DLGAP1: variants seen among roughly 807,000 people sequenced by gnomAD.
DLGAP1 encodes DLG associated protein 1, also known as disks large-associated protein 1.
Under a neutral mutation model 90.8 loss-of-function variants are expected in DLGAP1, and 11 were observed. The ratio of observed to expected loss-of-function variants is 0.12; its 90% CI spans 0.08 to 0.20. The LOEUF is 0.20. Among genes scored for constraint, DLGAP1 ranks in the 10% least tolerant of loss-of-function variants. The pLI, the probability that DLGAP1 is intolerant of heterozygous loss-of-function variation, is 1.00. For synonymous variants in DLGAP1, 558 were observed against 540.7 expected (o/e 1.03, Z -0.44); for missense variants, 1,050 against 1,333.8 (o/e 0.79, Z 3.31).
intron 1 of DLGAP1, among the ~76,000 whole-genome samples, chr18:4,436,162 T>C (rs1313971471): frequency 6.6e-6 from 1 of 152,172 alleles, no homozygotes; most frequent in Admixed American, 6.5e-5. Context: ...AGGGAGATAC[T>C]GGTAATGATT....
intron 1 of DLGAP1, among the ~76,000 whole-genome samples, chr18:4,195,874 C>A (rs1229259198): frequency 2.6e-5 from 4 of 151,956 alleles, no homozygotes; most frequent in South Asian, 2.1e-4. Flanking sequence ...TTGAGGAAGA[C>A]CCTATTCTGC....
Position 3,534,435 on chromosome 18 carries a change from G to T in DLGAP1, c.2238C>A (p.Asn746Lys). ...CATCGGCGGCACAGGCATGGTAATGGTTTCCTGAGCCCTGAATGCTGACTG... is the reference window on the plus strand; with the variant it reads ...CATCGGCGGCACAGGCATGGTAATGTTTTCCTGAGCCCTGAATGCTGACTG... ...TSTVSIQGSG[N>K]HYHACAADDD... The change falls in exon 10 of 13, where the codon AAC (asparagine) becomes AAA (lysine). Residue 746 changes from asparagine to lysine, a missense_variant. Physicochemically the swap from Asn to Lys is moderately conservative, Grantham distance 94 (BLOSUM62 0). Transcript: ENST00000315677. 2 of 1,614,178 alleles carry T rather than the reference G, an allele frequency of 1.2e-6. No homozygotes were observed. The highest frequency in any genetic ancestry group is 1.1e-5 in the South Asian group (1 of 91,076).
intron 9 of DLGAP1, among the ~76,000 whole-genome samples, chr18:3,542,810 G>A (rs918467653): frequency 2.6e-5 from 4 of 152,176 alleles, no homozygotes; most frequent in Non-Finnish European, 4.4e-5. Flanking sequence ...TTTAGGAAAC[G>A]TAGCCGAGTT....
intron 3 of DLGAP1, among the ~76,000 whole-genome samples, chr18:3,885,667 G>A (rs2071292120): frequency 6.6e-6 from 1 of 152,184 alleles, no homozygotes; most frequent in African/African-American, 2.4e-5. Flanking sequence ...CCAGTGATTA[G>A]CTCTAATTTC....
rs562663933 is a variant in DLGAP1, at chr18:3,568,976, A to G, written c.1966-1395T>C. On this transcript the variant is annotated intron_variant, in intron 8 of 12. Coordinates refer to ENST00000315677, the MANE Select transcript of DLGAP1 (RefSeq NM_004746.4). ...GCTGGGATTACAGCCATGAGCCACC[A>G]CGCCTGGCCTAAATGATTATTTTAT... Among the ~76,000 whole-genome samples, 546 of 148,206 alleles carry G rather than the reference A, an allele frequency of 3.7e-3. 5 individuals carry two copies. The highest frequency in any genetic ancestry group is 0.011 in the African/African-American group (458 of 40,490).
intron 2 of DLGAP1, among the ~76,000 whole-genome samples, chr18:4,122,508 C>A (rs1370807722): frequency 6.6e-6 from 1 of 152,156 alleles, no homozygotes; most frequent in Non-Finnish European, 1.5e-5. Flanking sequence ...TGAGGTCTAA[C>A]CTCAAGCTGG....
At chr18:4,169,907 C>T (rs778764272) in intron 1 of DLGAP1, among the ~76,000 whole-genome samples, 16 of 152,274 alleles carry the variant, frequency 1.1e-4, no homozygotes, top group Non-Finnish European at 1.5e-4. Context: ...TCATTCATAG[C>T]TAAACTTCCA....
chr18:4,112,123 G>A (rs61178858), intron 2 of DLGAP1, among the ~76,000 whole-genome samples: 39 of 151,822 alleles, frequency 2.6e-4, no homozygotes, highest in African/African-American at 6.8e-4. Context: ...ATTTTGGTAC[G>A]TTGTACTTTA....
chr18:4,371,601 T>G (rs140195903), intron 1 of DLGAP1, among the ~76,000 whole-genome samples: 2 of 152,230 alleles, frequency 1.3e-5, no homozygotes, highest in Non-Finnish European at 2.9e-5. Flanking sequence ...TTTTTAATTA[T>G]TGAGTCTTTA....
intron 1 of DLGAP1, among the ~76,000 whole-genome samples, chr18:4,372,308 C>T (rs1045899551): frequency 6.6e-6 from 1 of 152,186 alleles, no homozygotes; most frequent in Admixed American, 6.5e-5. Flanking sequence ...ATTCAACAAG[C>T]CTTTACCTTG....
At chr18:3,500,945 G>A (rs539835574) in intron 12 of DLGAP1, among the ~76,000 whole-genome samples, 14 of 151,708 alleles carry the variant, frequency 9.2e-5, no homozygotes, top group South Asian at 2.1e-4. Context: ...ACAAGCTCTC[G>A]CTCTGTCACC....
intron 3 of DLGAP1, among the ~76,000 whole-genome samples, chr18:3,988,719 C>A (rs2149045471): frequency 6.6e-6 from 1 of 152,304 alleles, no homozygotes; most frequent in Admixed American, 6.5e-5. Context: ...CGGACCCGTA[C>A]TGCAGGATGT....
At chr18:3,705,470 A>T (rs957319758) in intron 7 of DLGAP1, among the ~76,000 whole-genome samples, 5 of 151,894 alleles carry the variant, frequency 3.3e-5, no homozygotes, top group African/African-American at 4.8e-5. Flanking sequence ...GGAGCTAAAC[A>T]TATCATACTG....
At chr18:4,237,827 T>C (rs944950544) in intron 1 of DLGAP1, among the ~76,000 whole-genome samples, 4 of 152,202 alleles carry the variant, frequency 2.6e-5, no homozygotes, top group South Asian at 2.1e-4. Context: ...AATTATTTCA[T>C]ATCACTGATC....
At chr18:4,093,440 GC>G (rs1215372139) in intron 2 of DLGAP1, among the ~76,000 whole-genome samples, 1 of 152,192 alleles carries the variant, frequency 6.6e-6, no homozygotes, top group African/African-American at 2.4e-5. Context: ...AATATGGGAA[GC>G]CTACTAGTCT....
At chr18:3,596,766 G>A in intron 7 of DLGAP1, 1 of 502,546 alleles carries the variant, frequency 2.0e-6, no homozygotes. Context: ...CAATCAGGAA[G>A]GGGAGGTGAT....
intron 1 of DLGAP1, among the ~76,000 whole-genome samples, chr18:4,284,636 A>C (rs145264419): frequency 2.3e-4 from 35 of 152,310 alleles, no homozygotes; most frequent in African/African-American, 6.0e-4. Flanking sequence ...GATGTCCCAC[A>C]CACAGGATCA....
intron 3 of DLGAP1, among the ~76,000 whole-genome samples, chr18:3,881,183 G>C (rs995092451): frequency 1.3e-5 from 2 of 151,614 alleles, no homozygotes; most frequent in Admixed American, 6.6e-5. Flanking sequence ...GCAGTGCAAT[G>C]GCACGATCTC....
chr18:4,012,150 C>G (rs80296189), intron 2 of DLGAP1, among the ~76,000 whole-genome samples: 1 of 152,082 alleles, frequency 6.6e-6, no homozygotes, highest in African/African-American at 2.4e-5. Flanking sequence ...CCATGCCCAC[C>G]TCTCCTGGCC....
Sources: allele counts gnomAD v4.1 joint callset (sites outside exome capture counted in the v4.1 genomes callset), GRCh38; gene constraint gnomAD v4.1.1; transcripts MANE v1.5; gene names NCBI Gene and HGNC (gene_info 2026-07-23, HGNC 2026-07-21).